Variants in NR3C1 observed in about 807,000 individuals in gnomAD.
The protein encoded by NR3C1 is glucocorticoid receptor.
In NR3C1, 14 loss-of-function variants were observed where a neutral mutation model predicts 74.0. The observed-to-expected ratio is 0.19, with a 90% CI of 0.12 to 0.30. The LOEUF (loss-of-function observed/expected upper bound fraction) is 0.30, where lower values mean the gene tolerates loss of function less well. Ranked by LOEUF, NR3C1 falls within the 10% of genes least tolerant of loss-of-function variation. NR3C1 has a pLI of 1.00. For synonymous variants in NR3C1, 308 were observed against 332.5 expected (o/e 0.93, Z 0.80); for missense variants, 695 against 909.8 (o/e 0.76, Z 3.04).
At chr5:143,289,200 G>A (rs965170139) in intron 7 of NR3C1, among the ~76,000 whole-genome samples, 1 of 152,050 alleles carries the variant, frequency 6.6e-6, no homozygotes, top group African/African-American at 2.4e-5. Flanking sequence ...TAATGCAACA[G>A]TAATCAAGAC....
chr5:143,282,639 T>TCTTGA lies in NR3C1; in HGVS notation c.2105_2109dup (p.Arg704SerfsTer17), dbSNP rs1353651941. 1 of 1,614,078 alleles carries TCTTGA rather than the reference T, an allele frequency of 6.2e-7. No individual in the cohort carries two copies. Among genetic ancestry groups the TCTTGA allele is most frequent in the East Asian group, 2.2e-5 (1 of 44,880 alleles). On this transcript the variant is annotated frameshift_variant, in exon 8 of 9. Transcript: ENST00000394464. LOFTEE classifies it high-confidence loss of function. ...CAGTTCTGGCTGGAGTTTCCTTCCC[T>TCTTGA]CTTGACAATGGCTTTTCCTAGCTCT...
intron 2 of NR3C1, among the ~76,000 whole-genome samples, chr5:143,358,339 A>G (rs760441353): frequency 6.6e-6 from 1 of 152,232 alleles, no homozygotes; most frequent in Non-Finnish European, 1.5e-5. Context: ...CCACAGGAGT[A>G]ACGTATTTAA....
At chr5:143,363,011 C>T (rs895278529) in intron 2 of NR3C1, among the ~76,000 whole-genome samples, 3 of 152,150 alleles carry the variant, frequency 2.0e-5, no homozygotes, top group African/African-American at 7.2e-5. Context: ...CTCTCACCAC[C>T]TGTTGACCTT....
exon 1 of NR3C1, chr5:143,434,932 C>G (rs914436211): frequency 6.1e-6 from 6 of 985,170 alleles, no homozygotes; most frequent in Non-Finnish European, 7.2e-6. Context: ...AATTTCAGAT[C>G]AGAAGATCCT....
At chr5:143,346,608 C>T (rs1472328721) in intron 2 of NR3C1, among the ~76,000 whole-genome samples, 2 of 152,038 alleles carry the variant, frequency 1.3e-5, no homozygotes, top group East Asian at 1.9e-4. Flanking sequence ...TGGTTGACGT[C>T]GTGATTACAA....
intron 2 of NR3C1, among the ~76,000 whole-genome samples, chr5:143,322,089 C>T (rs571692780): frequency 6.6e-6 from 1 of 152,270 alleles, no homozygotes; most frequent in East Asian, 1.9e-4. Context: ...CAGGTATAAC[C>T]TCACCATTAC....
intron 2 of NR3C1, among the ~76,000 whole-genome samples, chr5:143,350,767 G>A (rs1314225312): frequency 1.3e-5 from 2 of 152,178 alleles, no homozygotes; most frequent in Non-Finnish European, 2.9e-5. Context: ...AACTCTGAAA[G>A]AAGAACTTGC....
chr5:143,400,899 A>C, intron 1 of NR3C1, 47 bp from the exon 2 acceptor site: 1 of 1,394,142 alleles, frequency 7.2e-7, no homozygotes, highest in African/African-American at 1.4e-5. Context: ...ATAAGCTCTA[A>C]AGTCACATTA....
intron 4 of NR3C1, among the ~76,000 whole-genome samples, chr5:143,305,654 A>G (rs780375706): frequency 2.6e-5 from 4 of 152,174 alleles, no homozygotes; most frequent in Non-Finnish European, 5.9e-5. Context: ...AACAAATACC[A>G]TGTTCTCATT....
chr5:143,375,023 T>C (rs143145751), intron 2 of NR3C1, among the ~76,000 whole-genome samples: 215 of 152,238 alleles, frequency 1.4e-3, no homozygotes, highest in African/African-American at 5.0e-3. Flanking sequence ...ATTCAACACA[T>C]CACCTTGCCA....
chr5:143,364,793 C>T (rs898941516), intron 2 of NR3C1, among the ~76,000 whole-genome samples: 2 of 152,064 alleles, frequency 1.3e-5, no homozygotes, highest in African/African-American at 4.8e-5. Flanking sequence ...GCAGCCTCAA[C>T]CTCCTGGGCT....
intron 1 of NR3C1, among the ~76,000 whole-genome samples, chr5:143,410,741 A>G (rs1421173839): frequency 6.6e-6 from 1 of 152,214 alleles, no homozygotes; most frequent in Non-Finnish European, 1.5e-5. Flanking sequence ...GAAAACTTAG[A>G]GGAGCTTATG....
chr5:143,313,129 G>T (rs1191855577), intron 3 of NR3C1, among the ~76,000 whole-genome samples: 3 of 152,096 alleles, frequency 2.0e-5, no homozygotes, highest in Middle Eastern at 3.2e-3. Context: ...AATATAATCA[G>T]AGCTTTAGGC....
chr5:143,313,559 A>G (rs1348546881), intron 3 of NR3C1, among the ~76,000 whole-genome samples: 1 of 152,142 alleles, frequency 6.6e-6, no homozygotes, highest in Non-Finnish European at 1.5e-5. Flanking sequence ...AAAAAAATGA[A>G]TAAGAAATGA....
intron 2 of NR3C1, among the ~76,000 whole-genome samples, chr5:143,383,869 A>G (rs1365967370): frequency 2.0e-5 from 3 of 152,234 alleles, no homozygotes; most frequent in Admixed American, 6.5e-5. Context: ...TAATTTGGAA[A>G]TATCTGTTAA....
chr5:143,334,762 T>C (rs934829108), intron 2 of NR3C1, among the ~76,000 whole-genome samples: 20 of 150,192 alleles, frequency 1.3e-4, no homozygotes, highest in African/African-American at 3.9e-4. Context: ...CAGAGAGCAA[T>C]AGAAAGAGGG....
At chr5:143,321,612 A>T (rs968815800) in intron 2 of NR3C1, among the ~76,000 whole-genome samples, 1 of 152,240 alleles carries the variant, frequency 6.6e-6, no homozygotes, top group Non-Finnish European at 1.5e-5. Context: ...GTACAAGCTC[A>T]GTATGGTCCA....
chr5:143,423,651 T>G (rs548845513), intron 1 of NR3C1, among the ~76,000 whole-genome samples: 11 of 152,200 alleles, frequency 7.2e-5, no homozygotes, highest in Non-Finnish European at 1.2e-4. Flanking sequence ...CGAAGAGATA[T>G]CTGCACTCCC....
chr5:143,400,654 C>T lies in NR3C1; in HGVS notation c.186G>A (p.Leu62=), dbSNP rs758753394. 8 of 1,613,916 alleles carry T rather than the reference C, an allele frequency of 5.0e-6. 1 individual carries two copies. In the East Asian group the frequency reaches 1.3e-4, roughly 27 times the overall value. Residue 62 remains leucine (L), a synonymous_variant, in exon 2 of 9, where the codon TTG becomes TTA. Transcript: ENST00000394464. ...SQSDSKQRRL[L]VDFPKGSVSN... ...TTACTGAGCCTTTTGGAAAATCAACCAAAAGTCTTCGCTGCTTGGAGTCTG... is the reference window on the plus strand; with the variant it reads ...TTACTGAGCCTTTTGGAAAATCAACTAAAAGTCTTCGCTGCTTGGAGTCTG...
Sources: allele counts gnomAD v4.1 joint callset (sites outside exome capture counted in the v4.1 genomes callset), GRCh38; gene constraint gnomAD v4.1.1; transcripts MANE v1.5; gene names NCBI Gene and HGNC (gene_info 2026-07-23, HGNC 2026-07-21).